Variants in ABCA1 observed in about 807,000 individuals in gnomAD.
The protein encoded by ABCA1 is ATP binding cassette subfamily A member 1, also known as phospholipid-transporting ATPase ABCA1.
In ABCA1, 133 loss-of-function variants were observed where a neutral mutation model predicts 262.5. The observed-to-expected ratio is 0.51, with a 90% confidence interval of 0.44 to 0.59. The LOEUF is 0.59. Ranked by LOEUF, ABCA1 falls within the 20% of genes least tolerant of loss-of-function variation. The pLI, the probability that ABCA1 is intolerant of heterozygous loss-of-function variation, is 0.00. For missense variants in ABCA1, 2,452 were observed against 2,777.5 expected (o/e 0.88, Z 2.63); for synonymous variants, 1,022 against 1,043.5 (o/e 0.98, Z 0.40).
intron 32 of ABCA1, among the ~76,000 whole-genome samples, chr9:104,803,609 CTTT>C (rs111718731): frequency 4.0e-5 from 6 of 149,850 alleles, no homozygotes; most frequent in Non-Finnish European, 7.4e-5. Context: ...CTTTTTCTTT[CTTT>C]TTTTTTTCTT....
rs771546948 is a variant in ABCA1, at chr9:104,786,409, AG to A, written c.6309-20del. ...TTCCATACTGCGGTAAAACAGAAAG[AG>A]GTTTTAGTTTTAGAGAGATTCTCTG... On this transcript the variant is annotated intron_variant, in intron 47 of 49. Coordinates refer to ENST00000374736, the MANE Select transcript of ABCA1 (RefSeq NM_005502.4). 2.5e-6 allele frequency: 4 copies of A among 1,606,314 alleles called. No homozygotes were observed. Among genetic ancestry groups the A allele is most frequent in the Non-Finnish European group, 3.4e-6 (4 of 1,173,174 alleles).
intron 9 of ABCA1, among the ~76,000 whole-genome samples, chr9:104,838,294 ACT>A (rs942688034): frequency 5.9e-5 from 8 of 135,010 alleles, no homozygotes; most frequent in Non-Finnish European, 9.4e-5. Flanking sequence ...CAAGAGCGAA[ACT>A]CTGTCTCCCA....
intron 5 of ABCA1, among the ~76,000 whole-genome samples, chr9:104,875,032 G>A (rs533327094): frequency 8.5e-5 from 13 of 152,226 alleles, no homozygotes; most frequent in Admixed American, 7.8e-4. Context: ...GACAATGGCA[G>A]TTTTGTCGAA....
chr9:104,911,507 G>A (rs1289173883), intron 1 of ABCA1, among the ~76,000 whole-genome samples: 3 of 152,102 alleles, frequency 2.0e-5, no homozygotes, highest in African/African-American at 4.8e-5. Flanking sequence ...GGGGTGGGAG[G>A]GGATATTGAG....
At chr9:104,926,880 C>T (rs1220828005) in intron 1 of ABCA1, among the ~76,000 whole-genome samples, 7 of 152,206 alleles carry the variant, frequency 4.6e-5, no homozygotes, top group Non-Finnish European at 1.0e-4. Context: ...ACCCCACCTC[C>T]GGGTCTCCGC....
At chr9:104,828,346 C>A (rs73519874) in intron 15 of ABCA1, among the ~76,000 whole-genome samples, 4 of 152,164 alleles carry the variant, frequency 2.6e-5, no homozygotes, top group Non-Finnish European at 5.9e-5. Context: ...CGATGAAGAA[C>A]AACTCCAACA....
At chr9:104,842,631 T>C (rs1834482217) in intron 8 of ABCA1, among the ~76,000 whole-genome samples, 2 of 152,184 alleles carry the variant, frequency 1.3e-5, no homozygotes, top group Admixed American at 6.5e-5. Context: ...GGATGGCTCT[T>C]CATCCTTTAG....
intron 8 of ABCA1, among the ~76,000 whole-genome samples, chr9:104,841,891 C>T (rs1834411724): frequency 6.6e-6 from 1 of 152,232 alleles, no homozygotes; most frequent in Non-Finnish European, 1.5e-5. Context: ...TTATAGAGTA[C>T]TTTGTATTTC....
At chr9:104,872,191 G>A (rs963688376) in intron 5 of ABCA1, among the ~76,000 whole-genome samples, 13 of 152,094 alleles carry the variant, frequency 8.5e-5, no homozygotes, top group Non-Finnish European at 1.5e-4. Flanking sequence ...ATAAAGAAAC[G>A]TATTATTATT....
intron 11 of ABCA1, among the ~76,000 whole-genome samples, chr9:104,834,048 G>A (rs1482235974): frequency 6.7e-6 from 1 of 149,778 alleles, no homozygotes; most frequent in African/African-American, 2.4e-5. Flanking sequence ...GAAAACTGCT[G>A]CTTTATAAAA....
At chr9:104,921,075 T>G (rs1222373565) in intron 1 of ABCA1, among the ~76,000 whole-genome samples, 1 of 102,368 alleles carries the variant, frequency 9.8e-6, no homozygotes, top group East Asian at 2.4e-4. Context: ...GTCCTAATAC[T>G]AATATTCTAT....
intron 5 of ABCA1, among the ~76,000 whole-genome samples, chr9:104,862,684 C>A (rs1329664805): frequency 0.05 from 438 of 8,700 alleles, 106 homozygotes; most frequent in African/African-American, 0.16. Context: ...CGGGCCGGGC[C>A]GGGCCGGGCC....
intron 27 of ABCA1, among the ~76,000 whole-genome samples, chr9:104,813,049 ACTACT>A (rs1831417914): frequency 6.6e-6 from 1 of 152,330 alleles, no homozygotes; most frequent in East Asian, 1.9e-4. Context: ...TTTCTTATAG[ACTACT>A]CTATGAAACA....
chr9:104,902,211 C>T (rs1043963629), intron 2 of ABCA1, among the ~76,000 whole-genome samples: 15 of 152,242 alleles, frequency 9.9e-5, no homozygotes, highest in African/African-American at 3.4e-4. Flanking sequence ...GTCTAATAAA[C>T]ACATATGGAT....
intron 1 of ABCA1, among the ~76,000 whole-genome samples, chr9:104,914,762 A>C (rs1005396013): frequency 3.3e-5 from 5 of 152,206 alleles, no homozygotes; most frequent in African/African-American, 1.2e-4. Context: ...TACAGTAACA[A>C]ACCAGTCAAG....
At chr9:104,886,666 G>A (rs146399066) in intron 3 of ABCA1, among the ~76,000 whole-genome samples, 17 of 152,328 alleles carry the variant, frequency 1.1e-4, no homozygotes, top group African/African-American at 3.8e-4. Context: ...GGTATTTCAG[G>A]TTATCCCTTA....
Position 104,790,958 on chromosome 9 carries a change from G to C in ABCA1, c.5891C>G (p.Thr1964Ser). Residue 1964 changes from threonine (T) to serine (S), a missense_variant, in exon 44 of 50, where the codon ACT becomes AGT. By Grantham distance (58) the Thr-to-Ser change is moderately conservative. Coordinates refer to ENST00000374736, the MANE Select transcript of ABCA1 (RefSeq NM_005502.4). Reference sequence around the variant, plus strand: ...AAGGAAAGCATCTCCTCTGGTAACAGTGGTATCTCCTGTTAACATCTTGAA... The same window carrying C: ...AAGGAAAGCATCTCCTCTGGTAACACTGGTATCTCCTGTTAACATCTTGAA... ...STFKMLTGDT[T>S]VTRGDAFLNK... 1.9e-6 allele frequency: 3 copies of C among 1,613,778 alleles called. No individual in the cohort carries two copies. Among genetic ancestry groups the C allele is most frequent in the Non-Finnish European group, 2.5e-6 (3 of 1,179,800 alleles).
chr9:104,816,639 A>ATGGGTGGG (rs920826116), intron 24 of ABCA1, among the ~76,000 whole-genome samples: 2 of 19,854 alleles, frequency 1.0e-4, no homozygotes, highest in Non-Finnish European at 1.9e-4. Context: ...GGATGGAAGG[A>ATGGGTGGG]TGGGTGGGTG....
At chr9:104,926,513 T>C (rs767934763) in intron 1 of ABCA1, among the ~76,000 whole-genome samples, 4 of 149,998 alleles carry the variant, frequency 2.7e-5, no homozygotes, top group Admixed American at 6.6e-5. Context: ...AACCTCATAG[T>C]TCCTCCCCGT....
Sources: gnomAD v4.1 joint callset for allele counts (sites outside exome capture counted in the v4.1 genomes callset) on GRCh38, gnomAD v4.1.1 for gene constraint, MANE v1.5 for transcripts, NCBI Gene and HGNC (gene_info 2026-07-23, HGNC 2026-07-21) for gene names.